The following MAGI2 variants were observed in gnomAD, a reference collection of about 807,000 sequenced individuals.
MAGI2 encodes the protein membrane-associated guanylate kinase, WW and PDZ domain-containing protein 2.
In MAGI2, 35 loss-of-function variants were observed where a neutral mutation model predicts 133.3. The ratio of observed to expected loss-of-function variants is 0.26; its 90% CI spans 0.20 to 0.35. The LOEUF (loss-of-function observed/expected upper bound fraction) is 0.35. Ranked by LOEUF, MAGI2 falls within the 10% of genes least tolerant of loss-of-function variation. The probability of loss-of-function intolerance (pLI) is 1.00; values close to 1 mark genes in which losing one functional copy is unlikely to be tolerated. For synonymous variants in MAGI2, 729 were observed against 710.6 expected (o/e 1.03, Z -0.41); for missense variants, 1,636 against 1,863.4 (o/e 0.88, Z 2.25).
intron 2 of MAGI2, among the ~76,000 whole-genome samples, chr7:78,662,160 T>C (rs2151044239): frequency 6.6e-6 from 1 of 152,328 alleles, no homozygotes; most frequent in South Asian, 2.1e-4. Context: ...CAAAGTAGTC[T>C]TCCTTTTTGT....
Position 78,451,042 on chromosome 7 carries a change from G to T in MAGI2, c.1045+38719C>A, listed in dbSNP as rs1788674664. 3.3e-5 allele frequency among the ~76,000 whole-genome samples: 5 copies of T among 152,052 alleles called. No individual in the cohort carries two copies. In the South Asian group the frequency reaches 1.0e-3, roughly 31 times the overall value. ...GTAGTAGTGAAATGTTGACATCAAG[G>T]TCATTTCTAGAAATATTTCTACATG... On this transcript the variant is annotated intron_variant, in intron 6 of 21. Coordinates refer to ENST00000354212, the MANE Select transcript of MAGI2 (RefSeq NM_012301.4).
Position 78,809,721 on chromosome 7 carries a change from A to G in MAGI2, c.419-182482T>C, listed in dbSNP as rs545836266. On this transcript the variant is annotated intron_variant, in intron 2 of 21. Coordinates refer to ENST00000354212, the MANE Select transcript of MAGI2 (RefSeq NM_012301.4). ...ATTGAGGTCTCTAAAGGCTTCAAAA[A>G]TATATTGATGGTTTTTTTAAAAGAA... Among the ~76,000 whole-genome samples the G allele has an allele frequency of 2.0e-5, 3 of 152,292 alleles. No homozygotes were observed. The East Asian group carries it at 5.8e-4, about 29-fold the overall frequency.
At chr7:78,503,797 G>A (rs1481828953) in intron 4 of MAGI2, among the ~76,000 whole-genome samples, 3 of 150,990 alleles carry the variant, frequency 2.0e-5, no homozygotes, top group African/African-American at 7.3e-5. Context: ...AAGGTGGGCC[G>A]TTATGATTGA....
rs182520058 is a variant in MAGI2, at chr7:79,271,158, A to G, written c.301+181862T>C. 1.6e-4 allele frequency among the ~76,000 whole-genome samples: 24 copies of G among 152,198 alleles called. No homozygotes were observed. In the East Asian group the frequency reaches 3.1e-3, roughly 20 times the overall value. On this transcript the variant is annotated intron_variant, in intron 1 of 21. Coordinates refer to ENST00000354212, the MANE Select transcript of MAGI2 (RefSeq NM_012301.4). ...TTTCTTCCTAGGGTTCCCTTGATGAAGCTAGCCTTCATGGATTTCCATCTT... is the reference window on the plus strand; with the variant it reads ...TTTCTTCCTAGGGTTCCCTTGATGAGGCTAGCCTTCATGGATTTCCATCTT...
At chr7:79,413,043 C>T (rs992312955) in intron 1 of MAGI2, 3 of 152,124 alleles carry the variant, frequency 2.0e-5, no homozygotes, top group African/African-American at 7.2e-5. Flanking sequence ...GAAGCCACCA[C>T]TTGGAAAATA....
chr7:78,497,551 G>A (rs903277060), intron 5 of MAGI2, among the ~76,000 whole-genome samples: 5 of 151,922 alleles, frequency 3.3e-5, no homozygotes, highest in African/African-American at 9.7e-5. Flanking sequence ...TAACTATTTT[G>A]CAATATCACA....
In MAGI2 at chr7:78,226,407, A is replaced by T. The variant is rs1032146799; in HGVS notation, c.2048-25214T>A. Among the ~76,000 whole-genome samples the T allele has an allele frequency of 6.6e-5, 10 of 152,084 alleles. 1 individual carries two copies. The highest frequency in any genetic ancestry group is 1.5e-4 in the Non-Finnish European group (10 of 68,036). ...GGCAAATTAATGGATTATAGACAAAATACAGGCATTACTCTCCTTATTTCA... is the reference window on the plus strand; with the variant it reads ...GGCAAATTAATGGATTATAGACAAATTACAGGCATTACTCTCCTTATTTCA... On this transcript the variant is annotated intron_variant, in intron 10 of 21. Coordinates refer to ENST00000354212, the MANE Select transcript of MAGI2 (RefSeq NM_012301.4).
chr7:79,093,718 T>C (rs1361692108), intron 1 of MAGI2, among the ~76,000 whole-genome samples: 3 of 147,710 alleles, frequency 2.0e-5, no homozygotes, highest in African/African-American at 5.0e-5. Context: ...TCTTTTCTTT[T>C]TTTTTTTTTT....
At chr7:78,736,963 G>C (rs936442445) in intron 2 of MAGI2, among the ~76,000 whole-genome samples, 5 of 152,200 alleles carry the variant, frequency 3.3e-5, no homozygotes, top group Admixed American at 2.0e-4. Flanking sequence ...TGTTTGAGTT[G>C]CAAGCTGAAC....
chr7:79,198,731 A>T (rs2129551741), intron 1 of MAGI2, among the ~76,000 whole-genome samples: 1 of 143,704 alleles, frequency 7.0e-6, no homozygotes, highest in Non-Finnish European at 1.5e-5. Flanking sequence ...TACTGAAAAT[A>T]AAAAAAATTA....
chr7:78,229,402 C>G (rs545212073), intron 10 of MAGI2, among the ~76,000 whole-genome samples: 6 of 152,348 alleles, frequency 3.9e-5, no homozygotes, highest in Admixed American at 2.6e-4. Flanking sequence ...AACAACCATG[C>G]TGGGCTGCCT....
intron 14 of MAGI2, among the ~76,000 whole-genome samples, chr7:78,173,991 T>TA (rs368608734): frequency 3.3e-5 from 5 of 152,098 alleles, no homozygotes; most frequent in African/African-American, 9.6e-5. Context: ...CTGGGGGAAC[T>TA]AAAAAAAACA....
At chr7:79,344,438 G>C (rs1841152987) in intron 1 of MAGI2, among the ~76,000 whole-genome samples, 1 of 152,132 alleles carries the variant, frequency 6.6e-6, no homozygotes, top group East Asian at 1.9e-4. Context: ...ATAGGAATGA[G>C]TGCTATAGGG....
chr7:78,039,374 G>A (rs1050092191), intron 21 of MAGI2, among the ~76,000 whole-genome samples: 1 of 152,222 alleles, frequency 6.6e-6, no homozygotes, highest in African/African-American at 2.4e-5. Context: ...CCAGATTCCT[G>A]CCTTCAAGAG....
chr7:79,160,876 C>G (rs976522857), intron 1 of MAGI2, among the ~76,000 whole-genome samples: 28 of 151,916 alleles, frequency 1.8e-4, no homozygotes, highest in African/African-American at 6.8e-4. Context: ...GCTAAGGGGG[C>G]CCCTTTTACA....
intron 15 of MAGI2, among the ~76,000 whole-genome samples, chr7:78,161,678 AAAAAAAAAAG>A (rs1250891803): frequency 4.8e-5 from 7 of 147,042 alleles, no homozygotes; most frequent in East Asian, 2.1e-4. Context: ...AAAAAAAAAA[AAAAAAAAAAG>A]AAAAAAAAAA....
intron 2 of MAGI2, among the ~76,000 whole-genome samples, chr7:78,683,780 A>C (rs1232334962): frequency 6.6e-6 from 1 of 152,182 alleles, no homozygotes; most frequent in Non-Finnish European, 1.5e-5. Flanking sequence ...ATTGCTCTGC[A>C]AACAGTGTCT....
At chr7:78,609,351 A>G (rs943783289) in intron 3 of MAGI2, among the ~76,000 whole-genome samples, 2 of 152,216 alleles carry the variant, frequency 1.3e-5, no homozygotes, top group Admixed American at 6.5e-5. Flanking sequence ...GGTCATAATT[A>G]TGCCTAACAT....
intron 1 of MAGI2, among the ~76,000 whole-genome samples, chr7:79,324,709 ATATATGTATATAAAATATATATATAT>A (rs1391702563): frequency 2.1e-3 from 34 of 16,090 alleles, no homozygotes; most frequent in Admixed American, 3.6e-3. Flanking sequence ...TATATATATT[ATATATGTATATAAAATATATATATAT>A]TATATATATA....
Sources: allele counts gnomAD v4.1 joint callset (sites outside exome capture counted in the v4.1 genomes callset), GRCh38; gene constraint gnomAD v4.1.1; transcripts MANE v1.5; gene names NCBI Gene and HGNC (gene_info 2026-07-23, HGNC 2026-07-21).